The following IL22RA1 variants were observed in gnomAD, a reference collection of about 807,000 sequenced individuals.
IL22RA1 encodes the protein interleukin 22 receptor subunit alpha 1, also known as interleukin-22 receptor subunit alpha-1.
A neutral mutation model predicts 32.8 loss-of-function variants in IL22RA1; 25 were observed. That is an observed-to-expected ratio of 0.76 (90% CI 0.55 to 1.06). The LOEUF (loss-of-function observed/expected upper bound fraction) is 1.06, where lower values mean the gene tolerates loss of function less well. Among genes scored for constraint, IL22RA1 ranks in the 50% least tolerant of loss-of-function variants. The pLI, the probability that IL22RA1 is intolerant of heterozygous loss-of-function variation, is 0.00. For missense variants in IL22RA1, 709 were observed against 727.4 expected (o/e 0.97, Z 0.29); for synonymous variants, 305 against 305.0 (o/e 1.00, Z 0.00).
rs199603548 is a variant in IL22RA1 at position 24,121,165 on chromosome 1, C to T, written c.1365G>A (p.Met455Ile). 1.2e-5 allele frequency: 20 copies of T among 1,614,216 alleles called. No homozygotes were observed. Among genetic ancestry groups the T allele is most frequent in the African/African-American group, 5.3e-5 (4 of 75,042 alleles). Residue 455 changes from methionine to isoleucine, a missense_variant, in exon 7 of 7, where the codon ATG becomes ATA. By Grantham distance (10) the Met-to-Ile change is conservative. Coordinates refer to ENST00000270800, the MANE Select transcript of IL22RA1 (RefSeq NM_021258.4). ...ATGATTTTGCTTCTTGGGATTCCTCCATAGCCAAGGAGGTCACCTCCTGCA... is the reference window on the plus strand; with the variant it reads ...ATGATTTTGCTTCTTGGGATTCCTCTATAGCCAAGGAGGTCACCTCCTGCA... ...LSLQEVTSLAMEESQEAKSLH... is the reference protein window; with the variant it reads ...LSLQEVTSLAIEESQEAKSLH...
chr1:24,124,526 GGT>G (rs1011899804), intron 5 of IL22RA1, among the ~76,000 whole-genome samples: 83 of 152,140 alleles, frequency 5.5e-4, no homozygotes, highest in African/African-American at 1.9e-3. Context: ...TGGAGTTTTT[GGT>G]AAAACTGACA....
Position 24,120,928 on chromosome 1 carries a change from C to T in IL22RA1, c.1602G>A (p.Glu534=). The T allele has an allele frequency of 6.2e-7, 1 of 1,614,202 alleles. No homozygotes were observed. Among genetic ancestry groups the T allele is most frequent in the African/African-American group, 1.3e-5 (1 of 75,032 alleles). The change falls in exon 7 of 7, where the codon GAG becomes GAA. Residue 534 remains glutamate, a synonymous_variant. Transcript: ENST00000270800. ...DQGPSPWGLL[E]SLVCPKDEAK... ...CTTCATCCTTGGGACACACAAGGGA[C>T]TCCAGCAGGCCCCAGGGACTTGGAC... is the stretch of plus-strand genomic sequence containing the variant.
At chr1:24,139,209 C>A (rs1644264098) in intron 1 of IL22RA1, among the ~76,000 whole-genome samples, 1 of 152,318 alleles carries the variant, frequency 6.6e-6, no homozygotes, top group African/African-American at 2.4e-5. Flanking sequence ...GTAAATAGAG[C>A]TTGGCTGGCT....
At chr1:24,126,795 A>G (rs1448526776) in intron 5 of IL22RA1, among the ~76,000 whole-genome samples, 4 of 152,162 alleles carry the variant, frequency 2.6e-5, no homozygotes, top group African/African-American at 9.7e-5. Context: ...AGAAACACTA[A>G]TAAAAACATC....
chr1:24,123,689 G>C (rs1303853801), intron 5 of IL22RA1: 1 of 628,250 alleles, frequency 1.6e-6, no homozygotes. Context: ...ACAACCACCT[G>C]GGATGCCATA....
Position 24,120,689 on chromosome 1 carries a change from G to T in IL22RA1, c.*116C>A. On this transcript the variant is annotated 3_prime_UTR_variant, in exon 7 of 7. Transcript: ENST00000270800. ...GCCACTCCCTCTGCTTCTCTCAAGG[G>T]CACCCGTCTGAGGCCAGATCGCAGA... 1.0e-6 allele frequency: 1 copy of T among 996,708 alleles called. No homozygotes were observed. The highest frequency in any genetic ancestry group is 1.5e-6 in the Non-Finnish European group (1 of 672,222). 61.7% of individuals were successfully genotyped at this position (996,708 alleles called of 1,614,324 possible).
At chr1:24,134,589 A>G (rs923872330) in intron 3 of IL22RA1, among the ~76,000 whole-genome samples, 2 of 152,154 alleles carry the variant, frequency 1.3e-5, no homozygotes, top group African/African-American at 4.8e-5. Flanking sequence ...AGGCTGGCAA[A>G]GGGATGACCA....
intron 4 of IL22RA1, among the ~76,000 whole-genome samples, chr1:24,129,418 C>T (rs1270969635): frequency 2.6e-5 from 4 of 152,348 alleles, no homozygotes; most frequent in South Asian, 4.1e-4. Flanking sequence ...TCAACATGTC[C>T]GAACATGCTG....
At chr1:24,136,703 T>A (rs1185981652) in intron 3 of IL22RA1, among the ~76,000 whole-genome samples, 1 of 151,522 alleles carries the variant, frequency 6.6e-6, no homozygotes, top group Non-Finnish European at 1.5e-5. Context: ...TGGCAAGGAG[T>A]TGGATCTTAT....
chr1:24,134,184 A>G (rs1644225805), intron 4 of IL22RA1, 27 bp downstream of exon 4: 4 of 1,577,618 alleles, frequency 2.5e-6, no homozygotes, highest in Non-Finnish European at 8.6e-7. Flanking sequence ...CTAGGCAGAG[A>G]AAGACCAGGG....
intron 5 of IL22RA1, chr1:24,123,689 G>A (rs1303853801): frequency 1.6e-6 from 1 of 628,130 alleles, no homozygotes; most frequent in Admixed American, 3.8e-5. Context: ...ACAACCACCT[G>A]GGATGCCATA....
rs144915672 is a variant in IL22RA1 at position 24,128,158 on chromosome 1, C to T, written c.653G>A (p.Arg218Gln). The change falls in exon 5 of 7, where the codon CGA (arginine) becomes CAA (glutamine). Residue 218 changes from arginine (R) to glutamine (Q), a missense_variant. By Grantham distance (43) the Arg-to-Gln change is conservative (BLOSUM62 1). Coordinates refer to ENST00000270800, the MANE Select transcript of IL22RA1 (RefSeq NM_021258.4). ...GAACTCACCTGGCAGTGTCTTCACTCGGCACATGTAGGGGGCACTCTCCTT... is the reference window on the plus strand; with the variant it reads ...GAACTCACCTGGCAGTGTCTTCACTTGGCACATGTAGGGGGCACTCTCCTT... Reference protein sequence around the residue: ...WAKESAPYMCRVKTLPDRTWT... With the variant: ...WAKESAPYMCQVKTLPDRTWT... The T allele has an allele frequency of 1.9e-5, 29 of 1,550,384 alleles. 1 individual carries two copies. Among genetic ancestry groups the T allele is most frequent in the South Asian group, 4.9e-5 (4 of 82,158 alleles).
rs368021525 is a variant in IL22RA1 at position 24,137,105 on chromosome 1, T to C, written c.355+26A>G. 2.9e-5 allele frequency: 47 copies of C among 1,596,082 alleles called. No homozygotes were observed. The African/African-American group carries it at 5.5e-4, about 19-fold the overall frequency. ...ACCTGCGCTTTCCTCTTCCCTCCCC[T>C]GAAACCCACAGGGGCTCCAACTCAC... On this transcript the variant is annotated intron_variant, in intron 3 of 6. Coordinates refer to ENST00000270800, the MANE Select transcript of IL22RA1 (RefSeq NM_021258.4).
chr1:24,138,473 G>T (rs1405035780), intron 2 of IL22RA1, 109 bp downstream of exon 2: 6 of 1,200,158 alleles, frequency 5.0e-6, no homozygotes, highest in South Asian at 1.4e-5. Context: ...GGGGCTATGT[G>T]ACACCAGTCC....
At chr1:24,132,923 G>T (rs1045831338) in intron 4 of IL22RA1, among the ~76,000 whole-genome samples, 4 of 151,658 alleles carry the variant, frequency 2.6e-5, no homozygotes, top group Admixed American at 6.6e-5. Context: ...AGAAATGTGG[G>T]CTAAACAGAG....
rs187213669 is a variant in IL22RA1 at position 24,137,074 on chromosome 1, G to A, written c.355+57C>T. The A allele has an allele frequency of 1.2e-4, 190 of 1,541,140 alleles. No individual in the cohort carries two copies. The African/African-American group carries it at 2.1e-3, about 17-fold the overall frequency. The stretch of plus-strand genomic sequence containing the variant: ...AGAGGGGAAGAGGCCATCCCACCCC[G>A]CAAACACCTGCGCTTTCCTCTTCCC... On this transcript the variant is annotated intron_variant, in intron 3 of 6. Transcript: ENST00000270800.
chr1:24,126,162 G>A (rs535659922), intron 5 of IL22RA1, among the ~76,000 whole-genome samples: 8 of 152,302 alleles, frequency 5.3e-5, no homozygotes, highest in African/African-American at 1.7e-4. Flanking sequence ...GCCCCAGAAC[G>A]TCAGTTTCCT....
intron 4 of IL22RA1, 123 bp downstream of exon 4, chr1:24,134,088 A>T: frequency 1.4e-6 from 1 of 726,734 alleles, no homozygotes; most frequent in Non-Finnish European, 2.2e-6. Flanking sequence ...CTCTCAAGGG[A>T]CATGTTTTGG....
intron 5 of IL22RA1, 33 bp downstream of exon 5, chr1:24,128,108 G>A: frequency 6.7e-7 from 1 of 1,489,988 alleles, no homozygotes; most frequent in East Asian, 2.5e-5. Flanking sequence ...GAATTCGGGA[G>A]CCCCACCTCC....
Sources: gnomAD v4.1 joint callset for allele counts (sites outside exome capture counted in the v4.1 genomes callset) on GRCh38, gnomAD v4.1.1 for gene constraint, MANE v1.5 for transcripts, NCBI Gene and HGNC (gene_info 2026-07-23, HGNC 2026-07-21) for gene names.